NGDN: variants seen among roughly 807,000 people sequenced by gnomAD.
NGDN encodes neuroguidin.
A neutral mutation model predicts 45.2 loss-of-function variants in NGDN; 41 were observed. That is an observed-to-expected ratio of 0.91 (90% CI 0.71 to 1.18). The LOEUF (loss-of-function observed/expected upper bound fraction) is 1.18. NGDN is among the 50% of genes most tolerant of loss of function. The pLI, the probability that NGDN is intolerant of heterozygous loss-of-function variation, is 0.00. For synonymous variants in NGDN, 137 were observed against 130.9 expected, an observed-to-expected ratio of 1.05 and a Z score of -0.32; for missense variants, 402 against 399.9, an observed-to-expected ratio of 1.01 and a Z score of -0.05.
Position 23,477,537 on chromosome 14 carries a change from C to G in NGDN, c.905C>G (p.Pro302Arg). 2 of 1,614,102 alleles carry G rather than the reference C, an allele frequency of 1.2e-6. No homozygotes were observed. Among genetic ancestry groups the G allele is most frequent in the Non-Finnish European group, 1.7e-6 (2 of 1,180,022 alleles). ...CCTATTAAGAAGCGGAAGAAGATAC[C>G]TCAGAAAGGTCGGAAGAAAAAAGGT... Reference protein sequence around the residue: ...QNPIKKRKKIPQKGRKKKGFR... With the variant: ...QNPIKKRKKIRQKGRKKKGFR... The change falls in exon 10 of 11, where the codon CCT becomes CGT. Residue 302 changes from proline to arginine, a missense_variant. Coordinates refer to ENST00000408901, the MANE Select transcript of NGDN (RefSeq NM_001042635.2).
Position 23,475,228 on chromosome 14 carries a change from AC to A in NGDN, c.205del (p.His69ThrfsTer19). The A allele has an allele frequency of 6.2e-7, 1 of 1,614,062 alleles. No individual in the cohort carries two copies. Among genetic ancestry groups the A allele is most frequent in the South Asian group, 1.1e-5 (1 of 91,076 alleles). On this transcript the variant is annotated frameshift_variant, in exon 4 of 11. Transcript: ENST00000408901. LOFTEE classifies it high-confidence loss of function. ...QLLLMYLMDL[T>X]HLILDKASGG... ...GCTGCTCATGTACCTTATGGATTTG[AC>A]CCACCTCATTCTGGACAAAGCCTCA...
chr14:23,471,893 T>TA (rs1205248002), intron 3 of NGDN, among the ~76,000 whole-genome samples: 1 of 151,860 alleles, frequency 6.6e-6, no homozygotes, highest in Non-Finnish European at 1.5e-5. Flanking sequence ...GATGTTAAAA[T>TA]ATGAAAACCA....
chr14:23,476,180 G>A (rs1893898356), intron 7 of NGDN, 28 bp downstream of exon 7: 1 of 1,613,936 alleles, frequency 6.2e-7, no homozygotes, highest in Admixed American at 1.7e-5. Context: ...TGCCTCCTCA[G>A]CATGAACTGT....
chr14:23,471,998 C>T (rs1023066956), intron 3 of NGDN, among the ~76,000 whole-genome samples: 17 of 151,444 alleles, frequency 1.1e-4, no homozygotes, highest in Admixed American at 1.1e-3. Context: ...TGAGACCAGC[C>T]TGGGCAATGT....
chr14:23,475,751 GC>G lies in NGDN; in HGVS notation c.395del (p.Pro132LeufsTer6). 6.2e-7 allele frequency: 1 copy of G among 1,613,402 alleles called. No homozygotes were observed. The highest frequency in any genetic ancestry group is 1.1e-5 in the South Asian group (1 of 91,052). ...GTGAGAATGACCCACTTCGTTTTAA[GC>G]CTCATCCCAGCAATATGATGAGCAA... is the stretch of plus-strand genomic sequence containing the variant. ...LSENDPLRFK[P>X]HPSNMMSKLS... On this transcript the variant is annotated frameshift_variant, in exon 6 of 11. Transcript: ENST00000408901. LOFTEE classifies it high-confidence loss of function.
Position 23,476,111 on chromosome 14 carries a change from C to G in NGDN, c.503C>G (p.Ser168Cys), listed in dbSNP as rs1196671945. 1.2e-6 allele frequency: 2 copies of G among 1,614,126 alleles called. No individual in the cohort carries two copies. The highest frequency in any genetic ancestry group is 1.7e-6 in the Non-Finnish European group (2 of 1,179,982). The change falls in exon 7 of 11, where the codon TCT (serine) becomes TGT (cysteine). Residue 168 changes from serine to cysteine, a missense_variant. Ser to Cys is a moderately radical substitution (Grantham distance 112). Coordinates refer to ENST00000408901, the MANE Select transcript of NGDN (RefSeq NM_001042635.2). ...GGGAAGAAATCTGTGAAGGGAGTGT[C>G]TAAGAAATATGTTCCTCCACGCTTG... ...ASGKKSVKGV[S>C]KKYVPPRLVP...
downstream of NGDN, chr14:23,478,439 T>G (rs1205470118): frequency 1.2e-5 from 2 of 165,004 alleles, no homozygotes; most frequent in African/African-American, 4.8e-5. Flanking sequence ...GATTGAGATA[T>G]TAACACATGA....
chr14:23,473,730 G>A (rs1250275247), intron 3 of NGDN, among the ~76,000 whole-genome samples: 1 of 152,116 alleles, frequency 6.6e-6, no homozygotes, highest in Non-Finnish European at 1.5e-5. Context: ...GAATGATAAA[G>A]ACAAGAAGGG....
In NGDN at chr14:23,478,103, TG is replaced by T. The variant is rs1893947184; in HGVS notation, c.*79del. The T allele has an allele frequency of 7.2e-7, 1 of 1,384,214 alleles. No individual in the cohort carries two copies. The highest frequency in any genetic ancestry group is 1.4e-5 in the African/African-American group (1 of 69,922). The allele number at this position is 1,384,214 out of a possible 1,614,324, so 85.7% of individuals were successfully genotyped here. A position where few individuals can be genotyped will look rare whatever the true frequency, so the allele number is the denominator to read the frequency against. On this transcript the variant is annotated 3_prime_UTR_variant, in exon 11 of 11. Transcript: ENST00000408901. ...TTCATTGTATATAGGTGGTTTTCCC[TG>T]GAATTCATTAATTGTTTGCTTTGGA...
chr14:23,470,140 T>C, intron 2 of NGDN, 39 bp downstream of exon 2: 1 of 1,581,128 alleles, frequency 6.3e-7, no homozygotes, highest in Non-Finnish European at 8.7e-7. Flanking sequence ...AGTCACGGAT[T>C]GGCTTTGAGT....
intron 3 of NGDN, among the ~76,000 whole-genome samples, chr14:23,474,822 G>T (rs1417267354): frequency 6.6e-6 from 1 of 152,178 alleles, no homozygotes; most frequent in Non-Finnish European, 1.5e-5. Flanking sequence ...GGATGCTGCT[G>T]GAAACCTACA....
In NGDN at chr14:23,477,326, T is replaced by C. The variant is rs752046418; in HGVS notation, c.840T>C (p.Ala280=). 3 of 1,614,220 alleles carry C rather than the reference T, an allele frequency of 1.9e-6. No individual in the cohort carries two copies. The highest frequency in any genetic ancestry group is 4.5e-5 in the East Asian group (2 of 44,884). ...TTACACACTTCAGTGACATCAGTGCTTTGACAGGGGGAACTGTTCATCTTG... is the reference window on the plus strand; with the variant it reads ...TTACACACTTCAGTGACATCAGTGCCTTGACAGGGGGAACTGTTCATCTTG... ...HSLTHFSDIS[A]LTGGTVHLDE... The change falls in exon 9 of 11, where the codon GCT becomes GCC. Residue 280 remains alanine (A), a synonymous_variant. Transcript: ENST00000408901.
At position 23,473,651 on chromosome 14, in the gene NGDN, C is replaced by G. The variant is rs1893834467; in HGVS notation, c.145-1520C>G. Among the ~76,000 whole-genome samples, 3 of 151,918 alleles carry G rather than the reference C, an allele frequency of 2.0e-5. No homozygotes were observed. The South Asian group carries it at 6.2e-4, about 32-fold the overall frequency. On this transcript the variant is annotated intron_variant, in intron 3 of 10. Transcript: ENST00000408901. Reference sequence around the variant, plus strand: ...ACCAGCCTGGCCAACATGGCGAAACCCCGTCTCTTAAATCTTAAACAAAGA... The same window carrying G: ...ACCAGCCTGGCCAACATGGCGAAACGCCGTCTCTTAAATCTTAAACAAAGA...
chr14:23,476,182 A>G, intron 7 of NGDN, 30 bp downstream of exon 7: 1 of 1,614,106 alleles, frequency 6.2e-7, no homozygotes, highest in Non-Finnish European at 8.5e-7. Flanking sequence ...CCTCCTCAGC[A>G]TGAACTGTTT....
Position 23,475,550 on chromosome 14 carries a change from T to C in NGDN, c.283-8T>C, listed in dbSNP as rs762698740. On this transcript the variant is annotated splice_polypyrimidine_tract_variant and splice_region_variant and intron_variant, in intron 4 of 10. Transcript: ENST00000408901. Reference sequence around the variant, plus strand: ...GAAATATAATCCTGATTAACTACCATGTTGTAGGTTTTGGAAAAGCTTCGT... The same window carrying C: ...GAAATATAATCCTGATTAACTACCACGTTGTAGGTTTTGGAAAAGCTTCGT... 6.2e-6 allele frequency: 10 copies of C among 1,612,822 alleles called. No individual in the cohort carries two copies. In the East Asian group the frequency reaches 1.3e-4, roughly 22 times the overall value.
Position 23,469,712 on chromosome 14 carries a change from G to C in NGDN, c.-4G>C. 2 of 1,614,192 alleles carry C rather than the reference G, an allele frequency of 1.2e-6. No individual in the cohort carries two copies. The highest frequency in any genetic ancestry group is 1.7e-6 in the Non-Finnish European group (2 of 1,180,032). ...CGACACCGGAAGGGGTGGGCTTTGC[G>C]AAGATGGCGGCGCTGGTGAGTTTGG... is the stretch of plus-strand genomic sequence containing the variant. On this transcript the variant is annotated 5_prime_UTR_variant, in exon 1 of 11. Transcript: ENST00000408901.
chr14:23,476,133 C>T lies in NGDN; in HGVS notation c.525C>T (p.Arg175=). 3 of 1,614,178 alleles carry T rather than the reference C, an allele frequency of 1.9e-6. No homozygotes were observed. The highest frequency in any genetic ancestry group is 2.5e-6 in the Non-Finnish European group (3 of 1,179,996). ...TGTCTAAGAAATATGTTCCTCCACG[C>T]TTGGTTCCAGTACATTATGGTATAA... ...KGVSKKYVPP[R]LVPVHYDETE... is the part of the protein sequence containing the mutation. The change falls in exon 7 of 11, where the codon CGC becomes CGT. Residue 175 remains arginine, a synonymous_variant. Transcript: ENST00000408901.
rs1379289644 is a variant in NGDN, at chr14:23,475,559, T to C, written c.284T>C (p.Val95Ala). 6.2e-7 allele frequency: 1 copy of C among 1,613,734 alleles called. No homozygotes were observed. The change falls in exon 5 of 11, where the codon GTT becomes GCT. Residue 95 changes from valine to alanine, a missense_variant and splice_region_variant. Physicochemically the swap from Val to Ala is moderately conservative, Grantham distance 64 (BLOSUM62 0). Coordinates refer to ENST00000408901, the MANE Select transcript of NGDN (RefSeq NM_001042635.2). ...TCCTGATTAACTACCATGTTGTAGG[T>C]TTTGGAAAAGCTTCGTCCCTTGGAC... is the stretch of plus-strand genomic sequence containing the variant. ...AVLRLVEIRT[V>A]LEKLRPLDQK...
chr14:23,477,368 A>T lies in NGDN; in HGVS notation c.870+12A>T. ...TTCATCTTGATGAGGTGAGGTTGAGATATGGTTGTAGTAGGATGTGACTTT... is the reference window on the plus strand; with the variant it reads ...TTCATCTTGATGAGGTGAGGTTGAGTTATGGTTGTAGTAGGATGTGACTTT... On this transcript the variant is annotated intron_variant, in intron 9 of 10. Coordinates refer to ENST00000408901, the MANE Select transcript of NGDN (RefSeq NM_001042635.2). The T allele has an allele frequency of 6.2e-7, 1 of 1,614,066 alleles. No individual in the cohort carries two copies. The highest frequency in any genetic ancestry group is 8.5e-7 in the Non-Finnish European group (1 of 1,179,944).
Sources: allele counts gnomAD v4.1 joint callset (sites outside exome capture counted in the v4.1 genomes callset), GRCh38; gene constraint gnomAD v4.1.1; transcripts MANE v1.5; gene names NCBI Gene and HGNC (gene_info 2026-07-23, HGNC 2026-07-21).